Variants in DRC4 observed in about 807,000 individuals in gnomAD.
DRC4 encodes the protein GAS-11.
At chr16:90,026,098 G>T in the DRC4 span, among the ~76,000 whole-genome samples, 2 of 152,086 alleles carry the variant, frequency 1.3e-5, no homozygotes, top group Admixed American at 1.3e-4. Flanking sequence ...TCCAGCTTGG[G>T]CGACAGAGCA....
At chr16:90,043,102 G>T in the DRC4 span, 1 of 1,399,638 alleles carries the variant, frequency 7.1e-7, no homozygotes, top group Non-Finnish European at 9.7e-7. Flanking sequence ...TCTGCACCGT[G>T]ATGCTCACGC....
At chr16:90,038,059 T>A in the DRC4 span, among the ~76,000 whole-genome samples, 1 of 152,226 alleles carries the variant, frequency 6.6e-6, no homozygotes, top group Non-Finnish European at 1.5e-5. Context: ...CTGTTCCCTG[T>A]AACTCATTCC....
At chr16:90,043,930 G>A in the DRC4 span, 1 of 432,876 alleles carries the variant, frequency 2.3e-6, no homozygotes, top group South Asian at 1.7e-5. Context: ...CCCTCGGTAG[G>A]TGATGTAGGA....
chr16:90,034,064 G>A, the DRC4 span, among the ~76,000 whole-genome samples: 1 of 152,092 alleles, frequency 6.6e-6, no homozygotes, highest in Non-Finnish European at 1.5e-5. Flanking sequence ...GGTGGAGTCT[G>A]TTGCCCTCTG....
At chr16:90,021,572 T>C in the DRC4 span, among the ~76,000 whole-genome samples, 4 of 151,892 alleles carry the variant, frequency 2.6e-5, no homozygotes, top group Admixed American at 2.6e-4. Flanking sequence ...TAAGAAGATG[T>C]TAAAGATGAG....
At chr16:90,037,419 C>G in the DRC4 span, 14 of 1,598,302 alleles carry the variant, frequency 8.8e-6, no homozygotes, top group African/African-American at 1.7e-4. Flanking sequence ...CCGCTGGATT[C>G]CTCTCCCTCC....
At chr16:90,025,649 CAAAAAAAAAA>C in the DRC4 span, among the ~76,000 whole-genome samples, 5 of 45,928 alleles carry the variant, frequency 1.1e-4, no homozygotes, top group Non-Finnish European at 1.1e-4. Context: ...GACTCTGTCT[CAAAAAAAAAA>C]AAAAAAAAAA....
chr16:90,026,264 G>A, the DRC4 span, among the ~76,000 whole-genome samples: 21,780 of 152,056 alleles, frequency 0.14, 2,567 homozygotes, highest in East Asian at 0.62. Flanking sequence ...ACTGCTCCTG[G>A]TGTCATGCGT....
chr16:90,033,174 G>C, the DRC4 span, among the ~76,000 whole-genome samples: 1 of 152,290 alleles, frequency 6.6e-6, no homozygotes, highest in East Asian at 1.9e-4. Flanking sequence ...AAAAAATCCA[G>C]CTTAGGATCT....
the DRC4 span, among the ~76,000 whole-genome samples, chr16:90,021,185 G>A: frequency 6.6e-6 from 1 of 152,220 alleles, no homozygotes; most frequent in Non-Finnish European, 1.5e-5. Context: ...GGGCAAACAG[G>A]AAGTCTCTCA....
the DRC4 span, chr16:90,032,949 G>A: frequency 1.4e-3 from 2,318 of 1,600,678 alleles, 34 homozygotes; most frequent in African/African-American, 0.028. Flanking sequence ...GGCACCTGGA[G>A]GCTGACAGGT....
chr16:90,027,544 C>T, the DRC4 span: 4 of 1,308,444 alleles, frequency 3.1e-6, no homozygotes, highest in Non-Finnish European at 4.4e-6. Flanking sequence ...GGTTCCAGAA[C>T]CTTCTCTGCC....
chr16:90,030,409 C>T, the DRC4 span, among the ~76,000 whole-genome samples: 1,065 of 151,918 alleles, frequency 7.0e-3, 17 homozygotes, highest in African/African-American at 0.025. Context: ...GGTGTGATCA[C>T]GGCTCACGGC....
chr16:90,042,410 C>T, the DRC4 span: 53 of 1,470,948 alleles, frequency 3.6e-5, no homozygotes, highest in Middle Eastern at 1.7e-4. Context: ...GTCCCCAGGC[C>T]GCTCCCGTTG....
the DRC4 span, chr16:90,042,948 C>G: frequency 1.8e-6 from 1 of 543,148 alleles, no homozygotes; most frequent in Non-Finnish European, 3.3e-6. Flanking sequence ...CCCTGAGTGT[C>G]CCTGCCCTCT....
At chr16:90,025,307 C>A in the DRC4 span, among the ~76,000 whole-genome samples, 5 of 151,486 alleles carry the variant, frequency 3.3e-5, no homozygotes, top group South Asian at 8.4e-4. Flanking sequence ...GTGTGAGCCA[C>A]TGTGCCTGGC....
the DRC4 span, chr16:90,020,305 CAAAAA>C: frequency 3.2e-6 from 1 of 315,908 alleles, no homozygotes; most frequent in Non-Finnish European, 5.7e-6. Flanking sequence ...TTGTATGTCT[CAAAAA>C]AAAAAAAGAA....
At chr16:90,032,944 C>G in the DRC4 span, 1 of 1,604,142 alleles carries the variant, frequency 6.2e-7, no homozygotes, top group East Asian at 2.3e-5. Flanking sequence ...GCGGGGGCAC[C>G]TGGAGGCTGA....
the DRC4 span, chr16:90,020,120 T>G: frequency 3.3e-6 from 2 of 599,408 alleles, no homozygotes; most frequent in Non-Finnish European, 6.0e-6. Flanking sequence ...CTGGGTCATT[T>G]TGAAGCAAAT....
Sources: gnomAD v4.1 joint callset for allele counts (sites outside exome capture counted in the v4.1 genomes callset) on GRCh38, gnomAD v4.1.1 for gene constraint, MANE v1.5 for transcripts, NCBI Gene and HGNC (gene_info 2026-07-23, HGNC 2026-07-21) for gene names.